SHROOM3: variants seen among roughly 807,000 people sequenced by gnomAD.
SHROOM3 encodes protein Shroom3.
SHROOM3 carries 47 observed loss-of-function variants against 138.6 expected under a neutral mutation model. That is an observed-to-expected ratio of 0.34 (90% confidence interval 0.27 to 0.43). The LOEUF (loss-of-function observed/expected upper bound fraction) is 0.43, where lower values mean the gene tolerates loss of function less well. SHROOM3 is among the 20% of genes least tolerant of loss of function. SHROOM3 has a pLI of 1.00. For missense variants in SHROOM3, 2,491 were observed against 2,596.5 expected, an observed-to-expected ratio of 0.96 and a Z score of 0.88; for synonymous variants, 1,062 against 1,063.3, an observed-to-expected ratio of 1.00 and a Z score of 0.02.
chr4:76,731,037 C>A, intron 4 of SHROOM3, 102 bp downstream of exon 4: 1 of 1,470,692 alleles, frequency 6.8e-7, no homozygotes, highest in Non-Finnish European at 9.4e-7. Flanking sequence ...TTTTCTTATA[C>A]TCACACTAAA....
chr4:76,479,352 TGAATCCATCAAGCAGAA>T (rs1000800835), intron 1 of SHROOM3, among the ~76,000 whole-genome samples: 1 of 151,380 alleles, frequency 6.6e-6, no homozygotes, highest in African/African-American at 2.4e-5. Context: ...TATCAATAGC[TGAATCCATCAAGCAGAA>T]GAAAGGATAT....
intron 2 of SHROOM3, among the ~76,000 whole-genome samples, chr4:76,672,896 A>C (rs1012070629): frequency 2.6e-5 from 4 of 152,170 alleles, no homozygotes; most frequent in Non-Finnish European, 5.9e-5. Context: ...TAATTTGGTG[A>C]AAAAATATTA....
intron 2 of SHROOM3, among the ~76,000 whole-genome samples, chr4:76,679,327 C>G (rs1181369263): frequency 6.6e-6 from 1 of 152,178 alleles, no homozygotes; most frequent in East Asian, 1.9e-4. Flanking sequence ...TTGGCCTAGT[C>G]TTTCATCCTT....
At chr4:76,471,234 C>T (rs1731363879) in intron 1 of SHROOM3, among the ~76,000 whole-genome samples, 3 of 150,352 alleles carry the variant, frequency 2.0e-5, no homozygotes, top group African/African-American at 7.4e-5. Context: ...CTAGTTTGTT[C>T]TTCCTTTCTT....
At chr4:76,506,406 T>C (rs1242449237) in intron 1 of SHROOM3, among the ~76,000 whole-genome samples, 1 of 152,100 alleles carries the variant, frequency 6.6e-6, no homozygotes, top group African/African-American at 2.4e-5. Context: ...AAATAAAGTA[T>C]ATGGAAGGAT....
chr4:76,462,609 T>G (rs951625305), intron 1 of SHROOM3, among the ~76,000 whole-genome samples: 1 of 152,152 alleles, frequency 6.6e-6, no homozygotes, highest in South Asian at 2.1e-4. Flanking sequence ...GTTCTCATGA[T>G]AGTGAGTGAG....
intron 2 of SHROOM3, among the ~76,000 whole-genome samples, chr4:76,611,610 C>A (rs1361808077): frequency 6.6e-6 from 1 of 152,138 alleles, no homozygotes; most frequent in African/African-American, 2.4e-5. Context: ...GGGCAAACTC[C>A]TTACTGTTTT....
intron 4 of SHROOM3, among the ~76,000 whole-genome samples, chr4:76,733,965 A>T (rs1720956646): frequency 6.6e-6 from 1 of 152,084 alleles, no homozygotes; most frequent in East Asian, 1.9e-4. Context: ...TTGCTGCCCT[A>T]TGGAAATCTC....
intron 3 of SHROOM3, among the ~76,000 whole-genome samples, chr4:76,726,179 C>G (rs1329696719): frequency 6.6e-6 from 1 of 152,124 alleles, no homozygotes; most frequent in Non-Finnish European, 1.5e-5. Context: ...GTTTCCTCCT[C>G]CTCCTCACTC....
At position 76,756,582 on chromosome 4, in the gene SHROOM3, C is replaced by A. The variant is rs761271747; in HGVS notation, c.4843C>A (p.Pro1615Thr). ...IKGSEAESTP[P>T]SFMSVHAQLA... Reference sequence around the variant, plus strand: ...GGGTTCAGAGGCTGAGTCCACACCACCCTCCTTCATGAGCGTTCACGCCCA... The same window carrying A: ...GGGTTCAGAGGCTGAGTCCACACCAACCTCCTTCATGAGCGTTCACGCCCA... Residue 1615 changes from proline (P) to threonine (T), a missense_variant, in exon 8 of 11, where the codon CCC (proline) becomes ACC (threonine). Coordinates refer to ENST00000296043, the MANE Select transcript of SHROOM3 (RefSeq NM_020859.4). 3 of 1,613,614 alleles carry A rather than the reference C, an allele frequency of 1.9e-6. No individual in the cohort carries two copies. In the East Asian group the frequency reaches 6.7e-5, roughly 36 times the overall value.
intron 2 of SHROOM3, among the ~76,000 whole-genome samples, chr4:76,594,417 T>C (rs981117030): frequency 2.6e-5 from 4 of 152,196 alleles, no homozygotes; most frequent in African/African-American, 7.2e-5. Context: ...GGGTGTGACA[T>C]GAATAAACAA....
chr4:76,622,717 T>C (rs1291368734), intron 2 of SHROOM3, among the ~76,000 whole-genome samples: 2 of 152,154 alleles, frequency 1.3e-5, no homozygotes, highest in African/African-American at 2.4e-5. Context: ...ATGGGTGTTA[T>C]GGTAAATCTT....
rs1176790803 is a variant in SHROOM3 at position 76,779,302 on chromosome 4, A to G, written c.*125A>G. 6.0e-6 allele frequency: 8 copies of G among 1,328,446 alleles called. No individual in the cohort carries two copies. In the South Asian group the frequency reaches 1.1e-4, roughly 17 times the overall value. 82.3% of individuals were successfully genotyped at this position (1,328,446 alleles called of 1,614,324 possible). ...ATTGGTGTTTGTTCCTGATGAAAGG[A>G]AAAAAATTCTCTCCAGGAGGAAGCC... On this transcript the variant is annotated 3_prime_UTR_variant, in exon 11 of 11. Coordinates refer to ENST00000296043, the MANE Select transcript of SHROOM3 (RefSeq NM_020859.4).
At chr4:76,693,406 CAG>C (rs1480535575) in intron 2 of SHROOM3, among the ~76,000 whole-genome samples, 1 of 84,802 alleles carries the variant, frequency 1.2e-5, no homozygotes, top group Non-Finnish European at 2.0e-5. Flanking sequence ...AGCAACAAGA[CAG>C]AGTCTTGCTG....
chr4:76,659,521 T>C (rs1361949058), intron 2 of SHROOM3, among the ~76,000 whole-genome samples: 1 of 152,230 alleles, frequency 6.6e-6, no homozygotes, highest in Non-Finnish European at 1.5e-5. Context: ...CTTATGTATA[T>C]GTAACAAGCA....
chr4:76,461,646 C>G (rs1479795498), intron 1 of SHROOM3, among the ~76,000 whole-genome samples: 2 of 152,164 alleles, frequency 1.3e-5, no homozygotes, highest in East Asian at 3.9e-4. Context: ...TGACATAGTT[C>G]TGAGACAGCA....
In SHROOM3 at chr4:76,586,370, C is replaced by G. The variant is rs908695549; in HGVS notation, c.323+30607C>G. ...AGGCCACCTCCCCCAAGCCACCAAG[C>G]CCCCGCGGTGGGCCAGCCTTGGCCC... On this transcript the variant is annotated intron_variant, in intron 2 of 10. Transcript: ENST00000296043. 11 of 985,768 alleles carry G rather than the reference C, an allele frequency of 1.1e-5. No individual in the cohort carries two copies. The African/African-American group carries it at 1.9e-4, about 17-fold the overall frequency. 61.1% of individuals were successfully genotyped at this position (985,768 alleles called of 1,614,324 possible).
In SHROOM3 at chr4:76,546,271, C is replaced by G. The variant is rs565276712; in HGVS notation, c.169-9338C>G. Among the ~76,000 whole-genome samples the G allele has an allele frequency of 6.6e-5, 10 of 152,252 alleles. No individual in the cohort carries two copies. In the South Asian group the frequency reaches 1.9e-3, roughly 28 times the overall value. The stretch of plus-strand genomic sequence containing the variant: ...TCCTAACCCAGTTTACTTTCTTCTA[C>G]TACAATATACCCCATTTACGACCCC... On this transcript the variant is annotated intron_variant, in intron 1 of 10. Coordinates refer to ENST00000296043, the MANE Select transcript of SHROOM3 (RefSeq NM_020859.4).
intron 1 of SHROOM3, among the ~76,000 whole-genome samples, chr4:76,457,025 G>A (rs1382898391): frequency 2.0e-5 from 3 of 152,216 alleles, no homozygotes; most frequent in African/African-American, 7.2e-5. Flanking sequence ...AATGTCATCA[G>A]TTAAGGCTAT....
Sources: allele counts gnomAD v4.1 joint callset (sites outside exome capture counted in the v4.1 genomes callset), GRCh38; gene constraint gnomAD v4.1.1; transcripts MANE v1.5; gene names NCBI Gene and HGNC (gene_info 2026-07-23, HGNC 2026-07-21).